HECW2: variants seen among roughly 807,000 people sequenced by gnomAD.
The protein encoded by HECW2 is HECT, C2 and WW domain containing E3 ubiquitin protein ligase 2, also known as E3 ubiquitin-protein ligase HECW2.
A neutral mutation model predicts 175.2 loss-of-function variants in HECW2; 61 were observed. The observed-to-expected ratio is 0.35, with a 90% CI of 0.28 to 0.43. The LOEUF (loss-of-function observed/expected upper bound fraction) is 0.43, where lower values mean the gene tolerates loss of function less well. Among genes scored for constraint, HECW2 ranks in the 20% least tolerant of loss-of-function variants. The probability of loss-of-function intolerance (pLI) is 1.00; values close to 1 mark genes in which losing one functional copy is unlikely to be tolerated. For synonymous variants in HECW2, 671 were observed against 731.0 expected (o/e 0.92, Z 1.32); for missense variants, 1,524 against 2,000.5 (o/e 0.76, Z 4.54).
At chr2:196,425,013 T>C (rs775747905) in intron 2 of HECW2, among the ~76,000 whole-genome samples, 4 of 152,060 alleles carry the variant, frequency 2.6e-5, no homozygotes, top group South Asian at 4.1e-4. Flanking sequence ...TAGGGGCTCA[T>C]ACAGCTGGTG....
chr2:196,404,051 C>T (rs1694891515), intron 2 of HECW2, among the ~76,000 whole-genome samples: 1 of 152,186 alleles, frequency 6.6e-6, no homozygotes, highest in South Asian at 2.1e-4. Context: ...CTATGGTTGG[C>T]TAACCATGTT....
At position 196,390,925 on chromosome 2, in the gene HECW2, T is replaced by C. The variant is rs544688463; in HGVS notation, c.292+42207A>G. ...ACATTGTGCGAGCTCAATTTCCTTATTAATCTGCTGTCTTATACTCATTGG... is the reference window on the plus strand; with the variant it reads ...ACATTGTGCGAGCTCAATTTCCTTACTAATCTGCTGTCTTATACTCATTGG... On this transcript the variant is annotated intron_variant, in intron 2 of 28. Coordinates refer to ENST00000644978, the MANE Select transcript of HECW2 (RefSeq NM_001348768.2). Among the ~76,000 whole-genome samples the C allele has an allele frequency of 9.2e-5, 14 of 152,284 alleles. No individual in the cohort carries two copies. In the East Asian group the frequency reaches 2.7e-3, roughly 29 times the overall value.
chr2:196,363,202 C>A (rs2105887905), intron 2 of HECW2, among the ~76,000 whole-genome samples: 1 of 152,112 alleles, frequency 6.6e-6, no homozygotes, highest in South Asian at 2.1e-4. Context: ...AGTGTCCTAG[C>A]AAACAACAAT....
At chr2:196,424,167 T>C (rs1339030759) in intron 2 of HECW2, among the ~76,000 whole-genome samples, 2 of 152,094 alleles carry the variant, frequency 1.3e-5, no homozygotes, top group Non-Finnish European at 2.9e-5. Context: ...GATGATATTA[T>C]TGTAATTGTT....
At chr2:196,540,033 A>G (rs1273538890) in intron 1 of HECW2, among the ~76,000 whole-genome samples, 2 of 152,202 alleles carry the variant, frequency 1.3e-5, no homozygotes, top group Non-Finnish European at 2.9e-5. Context: ...GTACAGCTGG[A>G]GCACTATGTA....
At chr2:196,321,266 C>T (rs1278112769) in intron 7 of HECW2, among the ~76,000 whole-genome samples, 7 of 152,320 alleles carry the variant, frequency 4.6e-5, no homozygotes, top group African/African-American at 1.7e-4. Flanking sequence ...TGTCTGCCTC[C>T]TGAAGGATGG....
intron 1 of HECW2, among the ~76,000 whole-genome samples, chr2:196,531,239 GACTA>G (rs1688828640): frequency 6.6e-6 from 1 of 152,198 alleles, no homozygotes; most frequent in Non-Finnish European, 1.5e-5. Flanking sequence ...CTGGTTTGCT[GACTA>G]ATTCCAAACT....
intron 1 of HECW2, among the ~76,000 whole-genome samples, chr2:196,518,418 G>A (rs1455972231): frequency 6.6e-6 from 1 of 152,092 alleles, no homozygotes; most frequent in Non-Finnish European, 1.5e-5. Flanking sequence ...CACTTTGGGA[G>A]GCCGAGGTGG....
At chr2:196,432,252 G>A (rs1254248653) in intron 2 of HECW2, among the ~76,000 whole-genome samples, 2 of 151,970 alleles carry the variant, frequency 1.3e-5, no homozygotes, top group African/African-American at 2.4e-5. Context: ...AAAAAAGGGC[G>A]GCGGGGTGAT....
At chr2:196,570,120 G>C (rs1012187602) in intron 1 of HECW2, among the ~76,000 whole-genome samples, 1 of 152,140 alleles carries the variant, frequency 6.6e-6, no homozygotes, top group Non-Finnish European at 1.5e-5. Flanking sequence ...TGCTTTGTAT[G>C]GTTCTAAAAG....
At chr2:196,337,170 G>A (rs1252448962) in intron 3 of HECW2, among the ~76,000 whole-genome samples, 1 of 152,166 alleles carries the variant, frequency 6.6e-6, no homozygotes. Flanking sequence ...GGGGAGAGCA[G>A]CATTTTGATT....
chr2:196,508,606 T>A (rs1028905876), intron 1 of HECW2, among the ~76,000 whole-genome samples: 14 of 152,174 alleles, frequency 9.2e-5, no homozygotes, highest in Non-Finnish European at 1.6e-4. Context: ...AATTCCTTCA[T>A]CCCAGCCTCC....
At chr2:196,508,131 G>C (rs1687829565) in intron 1 of HECW2, among the ~76,000 whole-genome samples, 1 of 152,164 alleles carries the variant, frequency 6.6e-6, no homozygotes, top group African/African-American at 2.4e-5. Flanking sequence ...GTCTTTAAAA[G>C]AGTACTGCTT....
intron 1 of HECW2, among the ~76,000 whole-genome samples, chr2:196,434,425 A>C: frequency 6.6e-6 from 1 of 152,118 alleles, no homozygotes; most frequent in Admixed American, 6.5e-5. Flanking sequence ...CTTTGGTTCC[A>C]AAGGAACAAG....
chr2:196,209,443 C>T (rs1041211917), intron 28 of HECW2, among the ~76,000 whole-genome samples: 2 of 152,128 alleles, frequency 1.3e-5, no homozygotes, highest in African/African-American at 2.4e-5. Context: ...TTAACTCTGG[C>T]ATGTTTTTGT....
intron 1 of HECW2, among the ~76,000 whole-genome samples, chr2:196,507,801 G>A (rs187924681): frequency 5.2e-4 from 79 of 152,320 alleles, no homozygotes; most frequent in Non-Finnish European, 9.1e-4. Context: ...TGCTCTACGG[G>A]TGTGTTCCTC....
intron 1 of HECW2, chr2:196,592,934 C>T (rs1575708111): frequency 6.6e-6 from 1 of 151,450 alleles, no homozygotes; most frequent in East Asian, 1.9e-4. Context: ...GCGTTGCATG[C>T]AGCTCACGGC....
At position 196,343,832 on chromosome 2, in the gene HECW2, A is replaced by G. The variant is rs1208966166; in HGVS notation, c.293-68T>C. On this transcript the variant is annotated intron_variant, in intron 2 of 28. Coordinates refer to ENST00000644978, the MANE Select transcript of HECW2 (RefSeq NM_001348768.2). ...TTCTCTCCGTAGCAGGAAGATTAAC[A>G]TAAGTTCTAAAATAAATGGAAAAAA... The G allele has an allele frequency of 7.1e-5, 69 of 972,796 alleles. No homozygotes were observed. The East Asian group carries it at 1.6e-3, about 23-fold the overall frequency. 60.3% of individuals were successfully genotyped at this position (972,796 alleles called of 1,614,324 possible).
intron 1 of HECW2, among the ~76,000 whole-genome samples, chr2:196,565,782 T>C (rs1690166932): frequency 6.6e-6 from 1 of 152,168 alleles, no homozygotes; most frequent in African/African-American, 2.4e-5. Context: ...TATAAAATAA[T>C]AAAGAATAAT....
Sources: gnomAD v4.1 joint callset for allele counts (sites outside exome capture counted in the v4.1 genomes callset) on GRCh38, gnomAD v4.1.1 for gene constraint, MANE v1.5 for transcripts, NCBI Gene and HGNC (gene_info 2026-07-23, HGNC 2026-07-21) for gene names.